The following L1CAM variants were observed in gnomAD, a reference collection of about 807,000 sequenced individuals.
The protein encoded by L1CAM is neural cell adhesion molecule L1.
A neutral mutation model predicts 93.0 loss-of-function variants in L1CAM; 8 were observed. That is an observed-to-expected ratio of 0.09 (90% CI 0.05 to 0.16). The LOEUF (loss-of-function observed/expected upper bound fraction) is 0.16. L1CAM is among the 10% of genes least tolerant of loss of function. L1CAM has a pLI of 1.00. For missense variants in L1CAM, 777 were observed against 1,073.4 expected, an observed-to-expected ratio of 0.72 and a Z score of 3.86; for synonymous variants, 453 against 453.0, an observed-to-expected ratio of 1.00 and a Z score of 0.00.
In L1CAM at chrX:153,862,970, C is replaced by T. The variant is rs189562799; in HGVS notation, c.3543-76G>A. The T allele has an allele frequency of 1.5e-4, 121 of 793,724 alleles. No individual in the cohort carries two copies. The African/African-American group carries it at 1.9e-3, about 12-fold the overall frequency. The allele number at this position is 793,724 out of a possible 1,213,427, so 65.4% of individuals were successfully genotyped here. A position where few individuals can be genotyped will look rare whatever the true frequency, so the allele number is the denominator to read the frequency against. On this transcript the variant is annotated intron_variant, in intron 28 of 28. Transcript: ENST00000370060. ...GGAGCCTGGCTGGGGGTGAGGCAGACGCCCGCCTGCCTTCCATTTGTTTAG... is the reference window on the plus strand; with the variant it reads ...GGAGCCTGGCTGGGGGTGAGGCAGATGCCCGCCTGCCTTCCATTTGTTTAG...
At chrX:153,871,592 A>AGGGGT (rs1243999433) in intron 5 of L1CAM, among the ~76,000 whole-genome samples, 1 of 107,099 alleles carries the variant, frequency 9.3e-6, no homozygotes, top group Non-Finnish European at 1.9e-5. Context: ...AGGTAACTGG[A>AGGGGT]GGGGTGGGGA....
chrX:153,885,720 G>T (rs1044259470), intron 1 of L1CAM: 1 of 405,169 alleles, frequency 2.5e-6, no homozygotes, highest in African/African-American at 2.7e-5. Flanking sequence ...TCTCAGACAC[G>T]CACACACGCA....
At chrX:153,870,607 C>T (rs880003646) in intron 7 of L1CAM, 108 bp from the exon 8 acceptor site, 112 of 799,173 alleles carry the variant, frequency 1.4e-4, no homozygotes, top group South Asian at 1.3e-3. Flanking sequence ...TCTGTGTCTT[C>T]CTCCATTAAG....
chrX:153,862,892 T>C lies in L1CAM; in HGVS notation c.3545A>G (p.Asp1182Gly). 8.3e-7 allele frequency: 1 copy of C among 1,203,589 alleles called. No individual in the cohort carries two copies. The highest frequency in any genetic ancestry group is 1.1e-6 in the Non-Finnish European group (1 of 888,884). ...TFGEYRSLES[D>G]NEEKAFGSSQ... ...GCTGCCAAAGGCCTTCTCCTCGTTG[T>C]CACTGCAGAGGCACAGGGCAGGTGC... The change falls in exon 29 of 29, where the codon GAC becomes GGC. Residue 1182 changes from aspartate (D) to glycine (G), a missense_variant and splice_region_variant. By Grantham distance (94) the Asp-to-Gly change is moderately conservative. Coordinates refer to ENST00000370060, the MANE Select transcript of L1CAM (RefSeq NM_001278116.2).
In L1CAM at chrX:153,864,217, G is replaced by A. The variant is rs782476163; in HGVS notation, c.3322+105C>T. On this transcript the variant is annotated intron_variant, in intron 25 of 28. Coordinates refer to ENST00000370060, the MANE Select transcript of L1CAM (RefSeq NM_001278116.2). ...CTGGGAGGAGAAGCAGACAGGAGCC[G>A]TGGAGGGAGCCTGGGCAGTAGTGGC... The A allele has an allele frequency of 5.0e-5, 52 of 1,035,417 alleles. No homozygotes were observed. In the African/African-American group the frequency reaches 5.3e-4, roughly 11 times the overall value. The allele number at this position is 1,035,417 out of a possible 1,213,427, so 85.3% of individuals were successfully genotyped here.
At chrX:153,883,713 C>T (rs1557096213) in intron 1 of L1CAM, 1 of 335,660 alleles carries the variant, frequency 3.0e-6, no homozygotes, top group Non-Finnish European at 6.0e-6. Context: ...CCTGGCAGAC[C>T]AGGGTCTTGG....
chrX:153,867,979 C>T lies in L1CAM; in HGVS notation c.1828+19G>A, dbSNP rs782553293. 3.2e-5 allele frequency: 39 copies of T among 1,210,943 alleles called. No individual in the cohort carries two copies. The highest frequency in any genetic ancestry group is 4.4e-5 in the Non-Finnish European group (39 of 895,276). On this transcript the variant is annotated intron_variant, in intron 15 of 28. Coordinates refer to ENST00000370060, the MANE Select transcript of L1CAM (RefSeq NM_001278116.2). ...GAGCCCCGGCCTTCTGGAGTGGAGG[C>T]TTCCACCCTAGGACTTACCCACCAC...
rs926069186 is a variant in L1CAM, at chrX:153,865,038, C to T, written c.2873-44G>A. ...GTTGGCTGTGGCTGCAGCTCTGCCCCCTCCCCGTGGCCCCTCCACCTCCCT... is the reference window on the plus strand; with the variant it reads ...GTTGGCTGTGGCTGCAGCTCTGCCCTCTCCCCGTGGCCCCTCCACCTCCCT... On this transcript the variant is annotated intron_variant, in intron 22 of 28. Transcript: ENST00000370060. 1.2e-5 allele frequency: 14 copies of T among 1,211,814 alleles called. No individual in the cohort carries two copies. In the Admixed American group the frequency reaches 1.5e-4, roughly 13 times the overall value.
rs782355616 is a variant in L1CAM at position 153,869,900 on chromosome X, A to G, written c.1026T>C (p.His342=). 11 of 1,208,265 alleles carry G rather than the reference A, an allele frequency of 9.1e-6. No individual in the cohort carries two copies. Among genetic ancestry groups the G allele is most frequent in the African/African-American group, 3.5e-5 (2 of 57,173 alleles). The part of the protein sequence containing the change: ...APYWLHKPQS[H]LYGPGETARL... Reference sequence around the variant, plus strand: ...GGGCAGTCTCTCCTGGCCCATATAGATGGCTCTGGGGCTTGTGCAGCCAGT... The same window carrying G: ...GGGCAGTCTCTCCTGGCCCATATAGGTGGCTCTGGGGCTTGTGCAGCCAGT... Residue 342 remains histidine (H), a synonymous_variant, in exon 10 of 29, where the codon CAT becomes CAC. Coordinates refer to ENST00000370060, the MANE Select transcript of L1CAM (RefSeq NM_001278116.2).
At position 153,867,363 on chromosome X, in the gene L1CAM, A is replaced by T; in HGVS notation, c.2130T>A (p.Pro710=). 1 of 1,208,484 alleles carries T rather than the reference A, an allele frequency of 8.3e-7. No homozygotes were observed. Among genetic ancestry groups the T allele is most frequent in the Non-Finnish European group, 1.1e-6 (1 of 893,519 alleles). The change falls in exon 17 of 29, where the codon CCT becomes CCA. Residue 710 remains proline (P), a synonymous_variant. Coordinates refer to ENST00000370060, the MANE Select transcript of L1CAM (RefSeq NM_001278116.2). ...PSPVSETVVT[P]EAAPEKNPVD... ...GGTGCCACCCTGACTCACCTGCCTC[A>T]GGTGTGACCACAGTCTCAGAGACCG...
rs199963637 is a variant in L1CAM, at chrX:153,870,520, G to A, written c.695-21C>T. The A allele has an allele frequency of 2.0e-3, 2,288 of 1,159,358 alleles. 4 individuals carry two copies. The highest frequency in any genetic ancestry group is 2.5e-3 in the Non-Finnish European group (2,147 of 849,732). On this transcript the variant is annotated intron_variant, in intron 7 of 28. Coordinates refer to ENST00000370060, the MANE Select transcript of L1CAM (RefSeq NM_001278116.2). Reference sequence around the variant, plus strand: ...GTTGGCTGCCAGGAGAAAGTGGGTGGGTGGGCTGCCCACTCTTCCCTCCAC... The same window carrying A: ...GTTGGCTGCCAGGAGAAAGTGGGTGAGTGGGCTGCCCACTCTTCCCTCCAC...
In L1CAM at chrX:153,867,408, A is replaced by G; in HGVS notation, c.2085T>C (p.Tyr695=). 1.7e-6 allele frequency: 2 copies of G among 1,210,560 alleles called. No individual in the cohort carries two copies. Among genetic ancestry groups the G allele is most frequent in the Non-Finnish European group, 2.2e-6 (2 of 894,725 alleles). The change falls in exon 17 of 29, where the codon TAT becomes TAC. Residue 695 remains tyrosine (Y), a synonymous_variant. Transcript: ENST00000370060. ...YTFRVTAINK[Y]GPGEPSPVSE... The stretch of plus-strand genomic sequence containing the variant: ...AGACCGGGCTGGGCTCCCCGGGGCC[A>G]TATTTGTTTATGGCAGTAACCCTAA...
At position 153,867,888 on chromosome X, in the gene L1CAM, C is replaced by T. The variant is rs149252900; in HGVS notation, c.1851G>A (p.Arg617=). The T allele has an allele frequency of 7.3e-5, 88 of 1,208,805 alleles. No homozygotes were observed. Among genetic ancestry groups the T allele is most frequent in the Non-Finnish European group, 8.9e-5 (80 of 894,857 alleles). ...LVVGSPGPVP[R]LVLSDLHLLT... is the part of the protein sequence containing the mutation. Reference sequence around the variant, plus strand: ...GCAGGTGCAGGTCGGACAGCACCAGCCGTGGCACCGGCCCAGGGCTCCCTG... The same window carrying T: ...GCAGGTGCAGGTCGGACAGCACCAGTCGTGGCACCGGCCCAGGGCTCCCTG... The change falls in exon 16 of 29, where the codon CGG becomes CGA. Residue 617 remains arginine (R), a synonymous_variant. Coordinates refer to ENST00000370060, the MANE Select transcript of L1CAM (RefSeq NM_001278116.2).
Position 153,885,498 on chromosome X carries a change from C to A in L1CAM, c.-109+567G>T, listed in dbSNP as rs1308247606. 41 of 798,464 alleles carry A rather than the reference C, an allele frequency of 5.1e-5. No individual in the cohort carries two copies. In the Admixed American group the frequency reaches 1.3e-3, roughly 26 times the overall value. 65.8% of individuals were successfully genotyped at this position (798,464 alleles called of 1,213,427 possible). A position where few individuals can be genotyped will look rare whatever the true frequency, so the allele number is the denominator to read the frequency against. ...AAGAAGGAGGAGAACAAAGCCCCCC[C>A]AACCTTGGGGCGGAGGGGCAGGCAG... On this transcript the variant is annotated intron_variant, in intron 1 of 28. Transcript: ENST00000370060.
chrX:153,874,983 A>G (rs1240495536), intron 2 of L1CAM, among the ~76,000 whole-genome samples: 3 of 112,172 alleles, frequency 2.7e-5, no homozygotes, highest in African/African-American at 9.7e-5. Context: ...TAACAGAGTG[A>G]CTCACACAGT....
At chrX:153,870,590 C>T (rs1013750875) in intron 7 of L1CAM, 91 bp from the exon 8 acceptor site, 29 of 851,453 alleles carry the variant, frequency 3.4e-5, no homozygotes, top group African/African-American at 1.8e-4. Context: ...AGCCAGCCCC[C>T]GGGGCCTCTG....
chrX:153,866,342 G>A (rs1557090869), intron 19 of L1CAM, among the ~76,000 whole-genome samples: 6 of 98,286 alleles, frequency 6.1e-5, no homozygotes, highest in African/African-American at 1.1e-4. Flanking sequence ...GAAAAGAAAA[G>A]AAAAGAAAAA....
At chrX:153,869,699 C>T in intron 10 of L1CAM, 36 bp from the exon 11 acceptor site, 2 of 1,203,391 alleles carry the variant, frequency 1.7e-6, no homozygotes, top group Non-Finnish European at 2.2e-6. Flanking sequence ...GGGCCACAGC[C>T]CGGCATTGAG....
At chrX:153,864,163 A>G in intron 25 of L1CAM, 146 bp from the exon 26 acceptor site, 1 of 1,022,516 alleles carries the variant, frequency 9.8e-7, no homozygotes, top group South Asian at 1.9e-5. Flanking sequence ...AAGGGTATGA[A>G]AGGGGGCTGA....
Sources: allele counts gnomAD v4.1 joint callset (sites outside exome capture counted in the v4.1 genomes callset), GRCh38; gene constraint gnomAD v4.1.1; transcripts MANE v1.5; gene names NCBI Gene and HGNC (gene_info 2026-07-23, HGNC 2026-07-21).